The following AAMDC variants were observed in gnomAD, a reference collection of about 807,000 sequenced individuals.
The protein encoded by AAMDC is mth938 domain-containing protein.
Under a neutral mutation model 15.5 loss-of-function variants are expected in AAMDC, and 16 were observed. That is an observed-to-expected ratio of 1.03 (90% CI 0.70 to 1.57). The LOEUF is 1.57. Ranked by LOEUF, AAMDC falls within the 40% of genes most tolerant of loss-of-function variation. The probability of loss-of-function intolerance (pLI) is 0.00; values close to 1 mark genes in which losing one functional copy is unlikely to be tolerated. For missense variants in AAMDC, 141 were observed against 144.9 expected, an observed-to-expected ratio of 0.97 and a Z score of 0.14; for synonymous variants, 51 against 51.6, an observed-to-expected ratio of 0.99 and a Z score of 0.05.
chr11:77,835,622 T>C (rs1159903529), intron 1 of AAMDC, among the ~76,000 whole-genome samples: 1 of 152,148 alleles, frequency 6.6e-6, no homozygotes, highest in African/African-American at 2.4e-5. Flanking sequence ...TAATAGTTGT[T>C]GAGTCTAAAG....
chr11:77,838,655 T>G (rs998856356), intron 1 of AAMDC, among the ~76,000 whole-genome samples: 1 of 151,490 alleles, frequency 6.6e-6, no homozygotes, highest in African/African-American at 2.4e-5. Flanking sequence ...CTCGCTCTTT[T>G]GCCCAGGCCA....
In AAMDC at chr11:77,872,291, A is replaced by G. The variant is rs775150284; in HGVS notation, c.345A>G (p.Gly115=). The change falls in exon 4 of 4, where the codon GGA becomes GGG. Residue 115 remains glycine, a synonymous_variant. Transcript: ENST00000393427. ...NALVAQGVRV[G]GVFHSTC is the part of the protein sequence containing the mutation. ...TGGTTGCCCAAGGGGTCAGGGTGGG[A>G]GGTGTCTTCCATTCCACCTGCTGAT... is the stretch of plus-strand genomic sequence containing the variant. The G allele has an allele frequency of 6.2e-7, 1 of 1,613,220 alleles. No individual in the cohort carries two copies. The highest frequency in any genetic ancestry group is 8.5e-7 in the Non-Finnish European group (1 of 1,179,656).
intron 2 of AAMDC, among the ~76,000 whole-genome samples, chr11:77,848,666 A>T (rs1370665104): frequency 2.0e-5 from 3 of 152,180 alleles, no homozygotes; most frequent in Non-Finnish European, 2.9e-5. Context: ...GGCCAACCTC[A>T]TTCTTTATAG....
intron 5 of AAMDC, among the ~76,000 whole-genome samples, chr11:77,893,190 C>T: frequency 6.6e-6 from 1 of 152,234 alleles, no homozygotes; most frequent in Non-Finnish European, 1.5e-5. Flanking sequence ...CATTCAACTA[C>T]TGCATGTGCT....
In AAMDC at chr11:77,835,142, G is replaced by T. The variant is rs145937686; in HGVS notation, c.-18-7337G>T. Among the ~76,000 whole-genome samples the T allele has an allele frequency of 1.4e-4, 21 of 152,270 alleles. No homozygotes were observed. In the East Asian group the frequency reaches 4.0e-3, roughly 29 times the overall value. ...TCTAGCATTGTTTGCAATTGAGTGTGACCACATGACTGTATTCTAGCAAAT... is the reference window on the plus strand; with the variant it reads ...TCTAGCATTGTTTGCAATTGAGTGTTACCACATGACTGTATTCTAGCAAAT... On this transcript the variant is annotated intron_variant, in intron 1 of 3. Coordinates refer to ENST00000393427, the MANE Select transcript of AAMDC (RefSeq NM_024684.4).
chr11:77,880,786 G>C (rs1461897479), intron 5 of AAMDC, among the ~76,000 whole-genome samples: 2 of 152,064 alleles, frequency 1.3e-5, no homozygotes, highest in Non-Finnish European at 2.9e-5. Context: ...AGTGAGACCT[G>C]TCTCTACAAA....
chr11:77,889,253 T>C (rs1170085174), intron 5 of AAMDC, among the ~76,000 whole-genome samples: 3 of 151,536 alleles, frequency 2.0e-5, no homozygotes, highest in African/African-American at 7.3e-5. Flanking sequence ...CCATAAAAAA[T>C]GATGAAACTA....
intron 2 of AAMDC, chr11:77,866,277 G>GA (rs1951103622): frequency 6.6e-6 from 1 of 152,134 alleles, no homozygotes; most frequent in African/African-American, 2.4e-5. Context: ...TTCCCCCGCA[G>GA]AAAAAACAAT....
At chr11:77,902,772 T>C (rs1259258695), downstream of AAMDC, among the ~76,000 whole-genome samples, 68 of 152,204 alleles carry the variant, frequency 4.5e-4, no homozygotes. Context: ...CAAGTCTCAA[T>C]ACTCAGGTGC....
At chr11:77,869,884 C>T in intron 3 of AAMDC, 67 bp downstream of exon 3, 2 of 1,469,780 alleles carry the variant, frequency 1.4e-6, no homozygotes, top group Non-Finnish European at 1.9e-6. Flanking sequence ...GTCTTACAGA[C>T]TTGTCCTTCT....
intron 2 of AAMDC, among the ~76,000 whole-genome samples, chr11:77,859,000 A>G (rs1054692717): frequency 3.3e-5 from 5 of 152,196 alleles, no homozygotes; most frequent in Non-Finnish European, 7.3e-5. Context: ...AGTTTTGAAA[A>G]GGCCTGGTCC....
downstream of AAMDC, among the ~76,000 whole-genome samples, chr11:77,874,372 CT>C (rs560821678): frequency 4.8e-3 from 639 of 134,358 alleles, no homozygotes; most frequent in Admixed American, 5.5e-3. Flanking sequence ...GTGATGCAGT[CT>C]TTTTTTTTTT....
intron 1 of AAMDC, among the ~76,000 whole-genome samples, 200 bp from the exon 2 acceptor site, chr11:77,842,279 G>A (rs370236077): frequency 1.4e-4 from 21 of 152,098 alleles, no homozygotes; most frequent in African/African-American, 4.8e-4. Flanking sequence ...AGTAATTGCA[G>A]TATCTGGTTT....
chr11:77,882,313 G>A (rs187482525), intron 5 of AAMDC, among the ~76,000 whole-genome samples: 1 of 152,134 alleles, frequency 6.6e-6, no homozygotes, highest in Non-Finnish European at 1.5e-5. Flanking sequence ...ATGGGGCCTA[G>A]GAAAAAGAAC....
rs543535052 is a variant in AAMDC, at chr11:77,885,238, C to T, written c.328+8189C>T. Among the ~76,000 whole-genome samples the T allele has an allele frequency of 1.2e-4, 19 of 152,062 alleles. No homozygotes were observed. In the South Asian group the frequency reaches 1.7e-3, roughly 13 times the overall value. On this transcript the variant is annotated intron_variant, in intron 5 of 5. Coordinates refer to the AAMDC transcript ENST00000304716. ...GATTACAGGCGCCCACCGTCATGCC[C>T]GGCTAATTTTGTATCTTTAGTAGAG...
At chr11:77,822,584 A>G (rs1397730979) in intron 1 of AAMDC, among the ~76,000 whole-genome samples, 2 of 152,152 alleles carry the variant, frequency 1.3e-5, no homozygotes, top group Non-Finnish European at 2.9e-5. Flanking sequence ...TCCAGGTTTT[A>G]AAAAGGGGAA....
intron 5 of AAMDC, among the ~76,000 whole-genome samples, chr11:77,897,676 T>A (rs1952589116): frequency 1.3e-5 from 2 of 151,302 alleles, no homozygotes; most frequent in Non-Finnish European, 2.9e-5. Context: ...AATTTTTTTT[T>A]TTTTATTTTT....
downstream of AAMDC, chr11:77,903,490 A>G: frequency 6.8e-6 from 11 of 1,608,216 alleles, no homozygotes; most frequent in Non-Finnish European, 9.4e-6. Flanking sequence ...CTTGGACCAG[A>G]CAATTACTGG....
At chr11:77,864,425 G>A (rs897346677) in intron 2 of AAMDC, among the ~76,000 whole-genome samples, 1 of 151,938 alleles carries the variant, frequency 6.6e-6, no homozygotes, top group Non-Finnish European at 1.5e-5. Flanking sequence ...GGGCAACAGA[G>A]TGAGATGCCA....
Sources: allele counts gnomAD v4.1 joint callset (sites outside exome capture counted in the v4.1 genomes callset), GRCh38; gene constraint gnomAD v4.1.1; transcripts MANE v1.5; gene names NCBI Gene and HGNC (gene_info 2026-07-23, HGNC 2026-07-21).